Variants in FAT4 observed in about 807,000 individuals in gnomAD.
FAT4 encodes FAT atypical cadherin 4.
In FAT4, 84 loss-of-function variants were observed where a neutral mutation model predicts 303.9. The observed-to-expected ratio is 0.28, with a 90% confidence interval of 0.23 to 0.33. The LOEUF (loss-of-function observed/expected upper bound fraction) is 0.33, where lower values mean the gene tolerates loss of function less well. Ranked by LOEUF, FAT4 falls within the 10% of genes least tolerant of loss-of-function variation. The probability of loss-of-function intolerance (pLI) is 1.00; values close to 1 mark genes in which losing one functional copy is unlikely to be tolerated. For synonymous variants in FAT4, 2,307 were observed against 2,298.8 expected, an observed-to-expected ratio of 1.00 and a Z score of -0.10; for missense variants, 6,005 against 6,146.8, an observed-to-expected ratio of 0.98 and a Z score of 0.77.
Position 125,490,481 on chromosome 4 carries a change from C to A in FAT4, c.13665C>A (p.Asn4555Lys), listed in dbSNP as rs202233968. The A allele has an allele frequency of 6.2e-7, 1 of 1,614,084 alleles. No individual in the cohort carries two copies. Among genetic ancestry groups the A allele is most frequent in the Admixed American group, 1.7e-5 (1 of 60,014 alleles). Residue 4555 changes from asparagine (N) to lysine (K), a missense_variant, in exon 18 of 18, where the codon AAC becomes AAA. Coordinates refer to ENST00000394329, the MANE Select transcript of FAT4 (RefSeq NM_001291303.3). The stretch of plus-strand genomic sequence containing the variant: ...AGAAGAAGAAAAAGGGAAGTGAGAA[C>A]GTTGCTTTTGATGACCCTGACAATA... ...PKEKKKKGSENVAFDDPDNIP... is the reference protein window; with the variant it reads ...PKEKKKKGSEKVAFDDPDNIP...
At chr4:125,352,368 G>T (rs1053101030) in intron 2 of FAT4, among the ~76,000 whole-genome samples, 2 of 151,308 alleles carry the variant, frequency 1.3e-5, no homozygotes, top group Admixed American at 6.6e-5. Context: ...AGCTCCAAGT[G>T]TAACAGCTTT....
chr4:125,404,937 T>C (rs1369514981), intron 3 of FAT4, among the ~76,000 whole-genome samples: 2 of 152,134 alleles, frequency 1.3e-5, no homozygotes, highest in Non-Finnish European at 2.9e-5. Flanking sequence ...CCTTTGTATG[T>C]ATATACAGGT....
chr4:125,487,799 TA>T (rs1446947301), intron 17 of FAT4, among the ~76,000 whole-genome samples, 193 bp downstream of exon 17: 1 of 152,244 alleles, frequency 6.6e-6, no homozygotes, highest in Non-Finnish European at 1.5e-5. Flanking sequence ...AAGAATGTCA[TA>T]ACTATCTTCA....
At chr4:125,483,094 A>C (rs939315378) in intron 16 of FAT4, among the ~76,000 whole-genome samples, 5 of 152,212 alleles carry the variant, frequency 3.3e-5, no homozygotes, top group African/African-American at 1.2e-4. Flanking sequence ...CATTAGTGCC[A>C]AATGGCAGAC....
rs1464111339 is a variant in FAT4, at chr4:125,318,154, A to G, written c.1743A>G (p.Val581=). 1.2e-6 allele frequency: 2 copies of G among 1,614,044 alleles called. No individual in the cohort carries two copies. Among genetic ancestry groups the G allele is most frequent in the Non-Finnish European group, 1.7e-6 (2 of 1,180,050 alleles). ...TAGATGTGAATGATGAAAAGCCAGTATTTAGCCAGCCAGAAGGGTATGATG... is the reference window on the plus strand; with the variant it reads ...TAGATGTGAATGATGAAAAGCCAGTGTTTAGCCAGCCAGAAGGGTATGATG... The part of the protein sequence containing the change: ...TLLDVNDEKP[V]FSQPEGYDVS... Residue 581 remains valine (V), a synonymous_variant, in exon 2 of 18, where the codon GTA becomes GTG. Coordinates refer to ENST00000394329, the MANE Select transcript of FAT4 (RefSeq NM_001291303.3).
chr4:125,393,546 A>G (rs1578591616), intron 2 of FAT4, among the ~76,000 whole-genome samples: 2 of 152,166 alleles, frequency 1.3e-5, no homozygotes, highest in Admixed American at 6.6e-5. Context: ...CCCCATGTAT[A>G]ATAACATTCT....
intron 13 of FAT4, 42 bp from the exon 14 acceptor site, chr4:125,477,113 A>G (rs1727054352): frequency 7.7e-7 from 1 of 1,295,972 alleles, no homozygotes; most frequent in African/African-American, 1.5e-5. Flanking sequence ...TAAAAATGTA[A>G]TCTTTTGACA....
At chr4:125,477,116 T>C in intron 13 of FAT4, 39 bp from the exon 14 acceptor site, 1 of 1,303,514 alleles carries the variant, frequency 7.7e-7, no homozygotes, top group Non-Finnish European at 9.9e-7. Flanking sequence ...AAATGTAATC[T>C]TTTGACACTA....
At chr4:125,382,765 T>C (rs1004800628) in intron 2 of FAT4, among the ~76,000 whole-genome samples, 1 of 152,224 alleles carries the variant, frequency 6.6e-6, no homozygotes, top group African/African-American at 2.4e-5. Flanking sequence ...TAGAAGGCTG[T>C]TCATCTACAT....
chr4:125,421,624 G>A (rs1295600345), intron 7 of FAT4, among the ~76,000 whole-genome samples: 1 of 152,164 alleles, frequency 6.6e-6, no homozygotes, highest in African/African-American at 2.4e-5. Context: ...ACACTTTGGG[G>A]ATGCTACAGT....
At chr4:125,400,381 A>C (rs1578599028) in intron 3 of FAT4, among the ~76,000 whole-genome samples, 3 of 152,054 alleles carry the variant, frequency 2.0e-5, no homozygotes, top group African/African-American at 4.8e-5. Flanking sequence ...GTTATTTCAG[A>C]GATTCCAACA....
intron 2 of FAT4, among the ~76,000 whole-genome samples, chr4:125,384,160 A>C (rs2102461): frequency 6.6e-6 from 1 of 152,164 alleles, no homozygotes; most frequent in Non-Finnish European, 1.5e-5. Context: ...TTGTGCAAAC[A>C]TGTTTCATTT....
At chr4:125,463,803 A>T in intron 11 of FAT4, 136 bp downstream of exon 11, 1 of 515,908 alleles carries the variant, frequency 1.9e-6, no homozygotes, top group Non-Finnish European at 3.5e-6. Flanking sequence ...TAAAATCTTA[A>T]ATGTTTAACA....
chr4:125,394,041 T>C (rs1363797158), intron 2 of FAT4: 8 of 772,838 alleles, frequency 1.0e-5, no homozygotes. Flanking sequence ...ACATTTCTTC[T>C]AATTGTAGCA....
rs548876767 is a variant in FAT4, at chr4:125,418,141, G to A, written c.7018+1519G>A. On this transcript the variant is annotated intron_variant, in intron 7 of 17. Coordinates refer to ENST00000394329, the MANE Select transcript of FAT4 (RefSeq NM_001291303.3). ...ACATGAGAAATTTCGGAAAAATATG[G>A]CAGCTATTAGATCCCAGATGCAATG... Among the ~76,000 whole-genome samples, 292 of 152,218 alleles carry A rather than the reference G, an allele frequency of 1.9e-3. 2 individuals carry two copies. Among genetic ancestry groups the A allele is most frequent in the African/African-American group, 6.5e-3 (272 of 41,538 alleles).
chr4:125,352,168 T>C, intron 2 of FAT4, among the ~76,000 whole-genome samples: 1 of 151,720 alleles, frequency 6.6e-6, no homozygotes, highest in South Asian at 2.1e-4. Flanking sequence ...AAGACTATTA[T>C]ACATTGAAGT....
chr4:125,415,734 T>C lies in FAT4; in HGVS notation c.6771T>C (p.Pro2257=), dbSNP rs2126028086. ...TACTGGATATTAATGACTTTGTTCCTGTATTTGAGCTATCTCCATATTCTG... is the reference window on the plus strand; with the variant it reads ...TACTGGATATTAATGACTTTGTTCCCGTATTTGAGCTATCTCCATATTCTG... The part of the protein sequence containing the change: ...IVLLDINDFV[P]VFELSPYSVN... Residue 2257 remains proline, a synonymous_variant, in exon 6 of 18, where the codon CCT becomes CCC. Transcript: ENST00000394329. 1 of 1,613,970 alleles carries C rather than the reference T, an allele frequency of 6.2e-7. No homozygotes were observed. Among genetic ancestry groups the C allele is most frequent in the Non-Finnish European group, 8.5e-7 (1 of 1,179,906 alleles).
intron 2 of FAT4, chr4:125,393,902 C>G (rs2126008890): frequency 1.3e-6 from 1 of 778,038 alleles, no homozygotes; most frequent in South Asian, 1.3e-5. Context: ...TCAGGTGACT[C>G]AGTCAAGAAA....
intron 2 of FAT4, among the ~76,000 whole-genome samples, chr4:125,394,427 T>C (rs1734089030): frequency 6.6e-6 from 1 of 152,210 alleles, no homozygotes; most frequent in Non-Finnish European, 1.5e-5. Context: ...CTTAACTATG[T>C]AGTAGTATTG....
Sources: allele counts gnomAD v4.1 joint callset (sites outside exome capture counted in the v4.1 genomes callset), GRCh38; gene constraint gnomAD v4.1.1; transcripts MANE v1.5; gene names NCBI Gene and HGNC (gene_info 2026-07-23, HGNC 2026-07-21).